The following RUNDC3B variants were observed in gnomAD, a reference collection of about 807,000 sequenced individuals.
RUNDC3B encodes the protein RUN domain containing 3B, also known as RUN domain-containing protein 3B.
Under a neutral mutation model 58.4 loss-of-function variants are expected in RUNDC3B, and 33 were observed. The ratio of observed to expected loss-of-function variants is 0.56; its 90% confidence interval spans 0.43 to 0.75. The LOEUF (loss-of-function observed/expected upper bound fraction) is 0.75. Among genes scored for constraint, RUNDC3B ranks in the 30% least tolerant of loss-of-function variants. The pLI is 0.00. For missense variants in RUNDC3B, 501 were observed against 535.7 expected, an observed-to-expected ratio of 0.94 and a Z score of 0.64; for synonymous variants, 193 against 195.2, an observed-to-expected ratio of 0.99 and a Z score of 0.10.
intron 4 of RUNDC3B, among the ~76,000 whole-genome samples, chr7:87,738,244 G>A (rs1832105183): frequency 6.6e-6 from 1 of 151,980 alleles, no homozygotes; most frequent in Non-Finnish European, 1.5e-5. Flanking sequence ...TCTGCCAATA[G>A]CCAACTTAGT....
Position 87,628,732 on chromosome 7 carries a change from C to A in RUNDC3B, c.-92C>A, listed in dbSNP as rs1820868408. On this transcript the variant is annotated 5_prime_UTR_variant, in exon 1 of 11. Coordinates refer to ENST00000394654, the MANE Select transcript of RUNDC3B (RefSeq NM_001134405.2). Reference sequence around the variant, plus strand: ...CTTTCCTACATCCTTCCCGCGCCCCCACGGTTGCGGACCGAGCGAGAACCC... The same window carrying A: ...CTTTCCTACATCCTTCCCGCGCCCCAACGGTTGCGGACCGAGCGAGAACCC... The A allele has an allele frequency of 9.0e-6, 7 of 775,158 alleles. No individual in the cohort carries two copies. The South Asian group carries it at 4.1e-4, about 45-fold the overall frequency. 48.0% of individuals were successfully genotyped at this position (775,158 alleles called of 1,614,324 possible).
At chr7:87,786,129 G>T (rs539600758) in intron 8 of RUNDC3B, among the ~76,000 whole-genome samples, 90 of 152,256 alleles carry the variant, frequency 5.9e-4, no homozygotes, top group African/African-American at 2.0e-3. Flanking sequence ...TTCTCTTGAA[G>T]GGAGATGTGT....
At position 87,770,705 on chromosome 7, in the gene RUNDC3B, T is replaced by C; in HGVS notation, c.754T>C (p.Cys252Arg). Residue 252 changes from cysteine (C) to arginine (R), a missense_variant, in exon 7 of 11, where the codon TGT (cysteine) becomes CGT (arginine). By Grantham distance (180) the Cys-to-Arg change is radical. Transcript: ENST00000394654. ...GGATGAGAACAGTTGGTTCAACAAG[T>C]GTAAGAGAGTTAAACAAAAGTATCA... Reference protein sequence around the residue: ...LMDENSWFNKCKRVKQKYQLT... With the variant: ...LMDENSWFNKRKRVKQKYQLT... 6.2e-7 allele frequency: 1 copy of C among 1,613,672 alleles called. No individual in the cohort carries two copies. The highest frequency in any genetic ancestry group is 8.5e-7 in the Non-Finnish European group (1 of 1,179,636).
chr7:87,749,005 T>A (rs1339792820), intron 6 of RUNDC3B, among the ~76,000 whole-genome samples: 2 of 152,160 alleles, frequency 1.3e-5, no homozygotes, highest in Admixed American at 1.3e-4. Flanking sequence ...ATTTTACAAA[T>A]GAGAAAACTG....
intron 4 of RUNDC3B, among the ~76,000 whole-genome samples, chr7:87,714,480 A>G (rs1166219112): frequency 6.6e-6 from 1 of 152,212 alleles, no homozygotes; most frequent in African/African-American, 2.4e-5. Context: ...GAAGTACAGT[A>G]TACAGAGATA....
chr7:87,720,607 C>A (rs1010790226), intron 4 of RUNDC3B, among the ~76,000 whole-genome samples: 3 of 100,934 alleles, frequency 3.0e-5, no homozygotes, highest in East Asian at 2.9e-4. Flanking sequence ...TTTTTTTTTT[C>A]TTTTCTTTTT....
At chr7:87,649,021 A>G (rs1291620666) in intron 1 of RUNDC3B, among the ~76,000 whole-genome samples, 2 of 152,094 alleles carry the variant, frequency 1.3e-5, no homozygotes, top group Admixed American at 1.3e-4. Flanking sequence ...CCTTAAAAAA[A>G]GCTTGTACTC....
At chr7:87,774,910 A>AT (rs1834534208) in intron 7 of RUNDC3B, among the ~76,000 whole-genome samples, 2 of 152,206 alleles carry the variant, frequency 1.3e-5, no homozygotes, top group Non-Finnish European at 2.9e-5. Context: ...TGCTAGTGTA[A>AT]ATAAACCTAT....
chr7:87,819,159 G>A (rs1444040260), intron 10 of RUNDC3B, among the ~76,000 whole-genome samples: 1 of 152,166 alleles, frequency 6.6e-6, no homozygotes, highest in African/African-American at 2.4e-5. Flanking sequence ...GCCCTGATCA[G>A]CTAGTCCGAC....
At chr7:87,645,669 A>G (rs1479478745) in intron 1 of RUNDC3B, among the ~76,000 whole-genome samples, 1 of 152,218 alleles carries the variant, frequency 6.6e-6, no homozygotes, top group Non-Finnish European at 1.5e-5. Context: ...ATAGCTCAGC[A>G]TCTGTGTGAT....
intron 6 of RUNDC3B, among the ~76,000 whole-genome samples, chr7:87,765,784 T>C (rs1248751506): frequency 1.3e-5 from 2 of 152,126 alleles, no homozygotes; most frequent in African/African-American, 2.4e-5. Flanking sequence ...TTGGGTAGCA[T>C]GTTCTGTAAA....
intron 2 of RUNDC3B, among the ~76,000 whole-genome samples, chr7:87,697,108 A>G (rs1278347800): frequency 6.6e-6 from 1 of 152,216 alleles, no homozygotes; most frequent in African/African-American, 2.4e-5. Context: ...ACCATGTCCT[A>G]TGCCAAAGTC....
chr7:87,631,308 A>G (rs1488080513), intron 1 of RUNDC3B, among the ~76,000 whole-genome samples: 1 of 152,238 alleles, frequency 6.6e-6, no homozygotes, highest in African/African-American at 2.4e-5. Context: ...AGCAGTATTT[A>G]TGCATTTATT....
chr7:87,731,417 A>C (rs914225678), intron 4 of RUNDC3B, among the ~76,000 whole-genome samples: 1 of 152,224 alleles, frequency 6.6e-6, no homozygotes, highest in Non-Finnish European at 1.5e-5. Flanking sequence ...CTATTTATCA[A>C]TAATAACATT....
At chr7:87,733,383 T>A (rs1266208702) in intron 4 of RUNDC3B, among the ~76,000 whole-genome samples, 1 of 152,240 alleles carries the variant, frequency 6.6e-6, no homozygotes, top group Non-Finnish European at 1.5e-5. Context: ...CATTTCATCT[T>A]TTATTCTGTA....
intron 1 of RUNDC3B, among the ~76,000 whole-genome samples, chr7:87,633,281 A>G (rs1821409583): frequency 6.6e-6 from 1 of 152,226 alleles, no homozygotes; most frequent in Non-Finnish European, 1.5e-5. Flanking sequence ...TCCACAACAC[A>G]TAATATTTAC....
intron 6 of RUNDC3B, among the ~76,000 whole-genome samples, chr7:87,747,545 C>T (rs371420721): frequency 2.0e-5 from 3 of 152,056 alleles, no homozygotes; most frequent in Non-Finnish European, 2.9e-5. Flanking sequence ...CCTAGAACTC[C>T]CAAGATTATA....
rs575224541 is a variant in RUNDC3B at position 87,790,495 on chromosome 7, A to T, written c.956+12540A>T. Among the ~76,000 whole-genome samples, 4 of 152,306 alleles carry T rather than the reference A, an allele frequency of 2.6e-5. No homozygotes were observed. In the South Asian group the frequency reaches 8.3e-4, roughly 32 times the overall value. Reference sequence around the variant, plus strand: ...AAACATGGCTTCACCAAATGACCTAAATAAATCAACTTGGAGTCCTGGAGA... The same window carrying T: ...AAACATGGCTTCACCAAATGACCTATATAAATCAACTTGGAGTCCTGGAGA... On this transcript the variant is annotated intron_variant, in intron 8 of 10. Transcript: ENST00000394654.
intron 6 of RUNDC3B, among the ~76,000 whole-genome samples, chr7:87,768,445 G>C (rs1164947381): frequency 2.6e-5 from 4 of 152,190 alleles, no homozygotes; most frequent in African/African-American, 9.7e-5. Flanking sequence ...GTGACACAAG[G>C]GCTGAGATTC....
Sources: allele counts gnomAD v4.1 joint callset (sites outside exome capture counted in the v4.1 genomes callset), GRCh38; gene constraint gnomAD v4.1.1; transcripts MANE v1.5; gene names NCBI Gene and HGNC (gene_info 2026-07-23, HGNC 2026-07-21).